The following MTMR8 variants were observed in gnomAD, a reference collection of about 807,000 sequenced individuals.
MTMR8 encodes myotubularin related protein 8.
Under a neutral mutation model 39.3 loss-of-function variants are expected in MTMR8, and 65 were observed. The observed-to-expected ratio is 1.65, with a 90% CI of 1.35 to 2.03. The LOEUF (loss-of-function observed/expected upper bound fraction) is 2.03, where lower values mean the gene tolerates loss of function less well. Among genes scored for constraint, MTMR8 ranks in the 30% most tolerant of loss-of-function variants. MTMR8 has a pLI of 0.00. For synonymous variants in MTMR8, 245 were observed against 185.2 expected, an observed-to-expected ratio of 1.32 and a Z score of -2.62; for missense variants, 777 against 538.9, an observed-to-expected ratio of 1.44 and a Z score of -4.37.
rs1922947935 is a variant in MTMR8 at position 64,331,766 on chromosome X, T to C, written c.1152-9A>G. ...CATCGAGGTGGCCACACCTGAGAGATGAAAATAAAGGTAAAGAAAGACACT... is the reference window on the plus strand; with the variant it reads ...CATCGAGGTGGCCACACCTGAGAGACGAAAATAAAGGTAAAGAAAGACACT... On this transcript the variant is annotated splice_polypyrimidine_tract_variant and intron_variant, in intron 10 of 13. Coordinates refer to ENST00000374852, the MANE Select transcript of MTMR8 (RefSeq NM_017677.4). 10 of 1,185,235 alleles carry C rather than the reference T, an allele frequency of 8.4e-6. No homozygotes were observed. The highest frequency in any genetic ancestry group is 3.5e-5 in the African/African-American group (2 of 56,663).
intron 12 of MTMR8, among the ~76,000 whole-genome samples, chrX:64,307,329 C>T (rs1347257535): frequency 9.0e-6 from 1 of 111,692 alleles, no homozygotes; most frequent in Non-Finnish European, 1.9e-5. Context: ...TCTAAGTTTT[C>T]TTCTAAAAGA....
intron 12 of MTMR8, 27 bp from the exon 13 acceptor site, chrX:64,271,100 A>T (rs1221473989): frequency 2.6e-6 from 3 of 1,169,190 alleles, no homozygotes; most frequent in African/African-American, 3.6e-5. Context: ...TGGGGGGAAA[A>T]GTGGGTTAGT....
intron 1 of MTMR8, among the ~76,000 whole-genome samples, chrX:64,367,797 T>C (rs748491828): frequency 9.0e-6 from 1 of 111,322 alleles, no homozygotes; most frequent in South Asian, 3.8e-4. Context: ...GGGTATTCAA[T>C]TAGGAAAAGA....
At chrX:64,368,370 T>A (rs932237504) in intron 1 of MTMR8, among the ~76,000 whole-genome samples, 1 of 111,687 alleles carries the variant, frequency 9.0e-6, no homozygotes, top group African/African-American at 3.3e-5. Context: ...ACTTCAAGGC[T>A]ATAGTAACCA....
intron 5 of MTMR8, among the ~76,000 whole-genome samples, chrX:64,349,663 A>C (rs1923435721): frequency 9.0e-6 from 1 of 111,710 alleles, no homozygotes; most frequent in African/African-American, 3.3e-5. Context: ...TCATTTCACA[A>C]CTTTCCACAA....
At chrX:64,361,410 C>T (rs1923776545) in intron 1 of MTMR8, among the ~76,000 whole-genome samples, 1 of 111,499 alleles carries the variant, frequency 9.0e-6, no homozygotes, top group African/African-American at 3.2e-5. Context: ...TTTAGGGCTA[C>T]TTCATTTATG....
chrX:64,355,556 A>T lies in MTMR8; in HGVS notation c.310+620T>A, dbSNP rs1300566521. 4.5e-5 allele frequency among the ~76,000 whole-genome samples: 5 copies of T among 111,576 alleles called. No homozygotes were observed. The Admixed American group carries it at 4.8e-4, about 11-fold the overall frequency. ...CCAGCAGGTAACTTTATCAATAAAA[A>T]TCAGCAAATATTGAGGAATTACTCT... On this transcript the variant is annotated intron_variant, in intron 3 of 13. Coordinates refer to ENST00000374852, the MANE Select transcript of MTMR8 (RefSeq NM_017677.4).
At chrX:64,310,474 C>T (rs745828441) in intron 12 of MTMR8, among the ~76,000 whole-genome samples, 1 of 111,712 alleles carries the variant, frequency 9.0e-6, no homozygotes, top group Non-Finnish European at 1.9e-5. Flanking sequence ...GATATTCTGA[C>T]CTCCTCCCAT....
chrX:64,303,730 A>G (rs777008989), intron 12 of MTMR8, among the ~76,000 whole-genome samples: 29 of 112,683 alleles, frequency 2.6e-4, no homozygotes, highest in Admixed American at 3.8e-4. Context: ...GCCAAATTCC[A>G]TTTTAGAAGT....
In MTMR8 at chrX:64,345,748, G is replaced by T. The variant is rs781477720; in HGVS notation, c.733-571C>A. On this transcript the variant is annotated intron_variant, in intron 6 of 13. Transcript: ENST00000374852. ...CTGCCTCAGCCTCCTGAACAGCTAA[G>T]ACTACAGGCACGTACCACCATGCCT... Among the ~76,000 whole-genome samples, 4 of 111,533 alleles carry T rather than the reference G, an allele frequency of 3.6e-5. No homozygotes were observed. In the South Asian group the frequency reaches 1.5e-3, roughly 42 times the overall value.
chrX:64,291,272 C>A (rs1298560017), intron 12 of MTMR8, among the ~76,000 whole-genome samples: 1 of 110,521 alleles, frequency 9.0e-6, no homozygotes, highest in African/African-American at 3.3e-5. Flanking sequence ...TCTTGCATAC[C>A]CCACAAAACT....
At chrX:64,378,578 G>GA (rs1438251422) in intron 1 of MTMR8, among the ~76,000 whole-genome samples, 1 of 111,674 alleles carries the variant, frequency 9.0e-6, no homozygotes, top group African/African-American at 3.3e-5. Flanking sequence ...CAAGTTGCAA[G>GA]AAAAATGTTT....
intron 1 of MTMR8, 123 bp from the exon 2 acceptor site, chrX:64,359,650 G>T: frequency 1.5e-6 from 1 of 677,422 alleles, no homozygotes; most frequent in Non-Finnish European, 2.1e-6. Flanking sequence ...TCCAGTTCCT[G>T]CCAAGGTGGC....
intron 12 of MTMR8, among the ~76,000 whole-genome samples, chrX:64,315,428 A>T (rs972245061): frequency 9.0e-6 from 1 of 111,609 alleles, no homozygotes; most frequent in Non-Finnish European, 1.9e-5. Flanking sequence ...CCCTCTGAAG[A>T]TCTTCTAGGA....
At chrX:64,374,487 T>G (rs1406907985) in intron 1 of MTMR8, among the ~76,000 whole-genome samples, 1 of 111,934 alleles carries the variant, frequency 8.9e-6, no homozygotes, top group Non-Finnish European at 1.9e-5. Flanking sequence ...TAAAGATGTC[T>G]AAGCACGCTC....
chrX:64,302,900 C>G (rs978244888), intron 12 of MTMR8, among the ~76,000 whole-genome samples: 2 of 112,249 alleles, frequency 1.8e-5, no homozygotes, highest in African/African-American at 6.5e-5. Context: ...GACATGTCAG[C>G]TCCGTCTCCT....
Position 64,359,424 on chromosome X carries a change from G to A in MTMR8, c.128C>T (p.Ala43Val). ...ACATACCCATGTTTCTTTCCGGGCT[G>A]CACCTGAAGCCTCCACATAGATCAG... Reference protein sequence around the residue: ...THLIYVEASGAARKETWIALH... With the variant: ...THLIYVEASGVARKETWIALH... The change falls in exon 2 of 14, where the codon GCA becomes GTA. Residue 43 changes from alanine to valine, a missense_variant. Transcript: ENST00000374852. The A allele has an allele frequency of 8.3e-7, 1 of 1,203,908 alleles. No homozygotes were observed. Among genetic ancestry groups the A allele is most frequent in the Non-Finnish European group, 1.1e-6 (1 of 891,017 alleles).
chrX:64,337,410 C>CA lies in MTMR8; in HGVS notation c.976-18dup, dbSNP rs1335541987. 1.7e-6 allele frequency: 2 copies of CA among 1,199,867 alleles called. No individual in the cohort carries two copies. Among genetic ancestry groups the CA allele is most frequent in the Non-Finnish European group, 2.2e-6 (2 of 890,426 alleles). On this transcript the variant is annotated splice_polypyrimidine_tract_variant and intron_variant, in intron 8 of 13. Coordinates refer to ENST00000374852, the MANE Select transcript of MTMR8 (RefSeq NM_017677.4). ...CTTCACTGCCTGTGAAGACAAGAGG[C>CA]AAAAAAGTACCACAAGCAACCTTTG... is the stretch of plus-strand genomic sequence containing the variant.
intron 4 of MTMR8, among the ~76,000 whole-genome samples, chrX:64,350,768 C>T: frequency 9.0e-6 from 1 of 111,086 alleles, no homozygotes; most frequent in South Asian, 3.9e-4. Context: ...TATGAAAAGA[C>T]TGACATATTT....
Sources: gnomAD v4.1 joint callset for allele counts (sites outside exome capture counted in the v4.1 genomes callset) on GRCh38, gnomAD v4.1.1 for gene constraint, MANE v1.5 for transcripts, NCBI Gene and HGNC (gene_info 2026-07-23, HGNC 2026-07-21) for gene names.